The following PDZD2 variants were observed in gnomAD, a reference collection of about 807,000 sequenced individuals.
PDZD2 encodes the protein PDZ domain containing 2, also known as PDZ domain-containing protein 2.
Under a neutral mutation model 220.7 loss-of-function variants are expected in PDZD2, and 90 were observed. The ratio of observed to expected loss-of-function variants is 0.41; its 90% CI spans 0.34 to 0.49. The LOEUF is 0.49. Among genes scored for constraint, PDZD2 ranks in the 20% least tolerant of loss-of-function variants. The probability of loss-of-function intolerance (pLI) is 0.28; values close to 1 mark genes in which losing one functional copy is unlikely to be tolerated. For missense variants in PDZD2, 3,174 were observed against 3,608.5 expected, an observed-to-expected ratio of 0.88 and a Z score of 3.08; for synonymous variants, 1,375 against 1,450.5, an observed-to-expected ratio of 0.95 and a Z score of 1.18.
At chr5:31,680,153 G>A (rs1439790463) in intron 1 of PDZD2, among the ~76,000 whole-genome samples, 4 of 152,142 alleles carry the variant, frequency 2.6e-5, no homozygotes, top group Admixed American at 2.6e-4. Flanking sequence ...ATTCATGGAT[G>A]GAGTAGGTGT....
chr5:31,910,114 G>T (rs1451497084), intron 2 of PDZD2, among the ~76,000 whole-genome samples: 1 of 151,862 alleles, frequency 6.6e-6, no homozygotes, highest in African/African-American at 2.4e-5. Flanking sequence ...AGGGAACTAA[G>T]GTTCAGAAAG....
At position 31,914,008 on chromosome 5, in the gene PDZD2, G is replaced by A. The variant is rs140622487; in HGVS notation, c.477-69147G>A. Among the ~76,000 whole-genome samples the A allele has an allele frequency of 4.3e-3, 651 of 152,262 alleles. 2 individuals carry two copies. The highest frequency in any genetic ancestry group is 0.015 in the African/African-American group (623 of 41,562). On this transcript the variant is annotated intron_variant, in intron 2 of 24. Coordinates refer to ENST00000438447, the MANE Select transcript of PDZD2 (RefSeq NM_178140.4). ...CAGATGTCACTCCCTGCCTCTGGGT[G>A]ACAGGAATGTCAGTGTCTGTAACTC...
chr5:32,025,591 CTTTTTTTTTTT>C (rs70957998), intron 6 of PDZD2, among the ~76,000 whole-genome samples: 891 of 67,530 alleles, frequency 0.013, 29 homozygotes, highest in African/African-American at 0.046. Context: ...AACCATGATG[CTTTTTTTTTTT>C]TTTTTTTTTT....
chr5:32,011,170 T>C (rs1753287577), intron 6 of PDZD2, among the ~76,000 whole-genome samples: 1 of 151,878 alleles, frequency 6.6e-6, no homozygotes, highest in African/African-American at 2.4e-5. Flanking sequence ...ATGGAGAGAT[T>C]TCTGGTTCAA....
chr5:31,809,238 C>A (rs1037887887), intron 2 of PDZD2, among the ~76,000 whole-genome samples: 26 of 152,010 alleles, frequency 1.7e-4, no homozygotes, highest in Non-Finnish European at 3.1e-4. Context: ...GATCTGAGGG[C>A]CGTCGCCTGC....
chr5:31,712,475 T>C (rs66615553), intron 1 of PDZD2, among the ~76,000 whole-genome samples: 2 of 125,154 alleles, frequency 1.6e-5, no homozygotes, highest in Non-Finnish European at 3.4e-5. Context: ...TCTCTCTCTC[T>C]CTCTCTCCCC....
At chr5:31,958,295 C>A (rs10062480) in intron 2 of PDZD2, among the ~76,000 whole-genome samples, 4 of 151,680 alleles carry the variant, frequency 2.6e-5, no homozygotes, top group Non-Finnish European at 5.9e-5. Flanking sequence ...ACTCTTTTGC[C>A]CAGGCTGGAG....
At chr5:31,921,676 T>A (rs1337962331) in intron 2 of PDZD2, among the ~76,000 whole-genome samples, 5 of 151,974 alleles carry the variant, frequency 3.3e-5, no homozygotes, top group African/African-American at 1.2e-4. Flanking sequence ...GGTGACAGAG[T>A]GAGACCCCAT....
chr5:31,821,391 T>TATTA (rs200302561), intron 2 of PDZD2, among the ~76,000 whole-genome samples: 50 of 147,964 alleles, frequency 3.4e-4, no homozygotes, highest in Non-Finnish European at 5.2e-4. Flanking sequence ...ATTATTATTT[T>TATTA]TTTTTTTTGA....
chr5:32,085,320 A>G (rs1282656900), intron 19 of PDZD2, among the ~76,000 whole-genome samples: 2 of 149,680 alleles, frequency 1.3e-5, no homozygotes, highest in East Asian at 3.9e-4. Flanking sequence ...ACTTCAGTAC[A>G]TATATACATT....
intron 2 of PDZD2, among the ~76,000 whole-genome samples, chr5:31,832,865 A>G (rs1214181468): frequency 2.0e-5 from 3 of 152,164 alleles, no homozygotes; most frequent in Non-Finnish European, 2.9e-5. Flanking sequence ...TTACCACAGT[A>G]AAAAGATGTG....
intron 1 of PDZD2, among the ~76,000 whole-genome samples, chr5:31,762,813 A>G (rs1751735470): frequency 6.6e-6 from 1 of 152,174 alleles, no homozygotes; most frequent in African/African-American, 2.4e-5. Context: ...GTAAATTGGG[A>G]GTTGGATTTG....
intron 10 of PDZD2, 70 bp downstream of exon 10, chr5:32,053,953 A>G: frequency 1.2e-6 from 1 of 864,980 alleles, no homozygotes. Flanking sequence ...TCTTCACAAG[A>G]TGTGAGTGAA....
At position 32,074,360 on chromosome 5, in the gene PDZD2, C is replaced by T; in HGVS notation, c.3254C>T (p.Pro1085Leu). ...KKELSGSSSAPKLEYTVRTDT... is the reference protein window; with the variant it reads ...KKELSGSSSALKLEYTVRTDT... ...GAACTGTCAGGATCAAGTAGCGCAC[C>T]CAAATTGGAATACACAGTCCGTACA... Residue 1085 changes from proline to leucine, a missense_variant, in exon 18 of 25, where the codon CCC (proline) becomes CTC (leucine). Coordinates refer to ENST00000438447, the MANE Select transcript of PDZD2 (RefSeq NM_178140.4). 1 of 1,614,152 alleles carries T rather than the reference C, an allele frequency of 6.2e-7. No individual in the cohort carries two copies. The highest frequency in any genetic ancestry group is 8.5e-7 in the Non-Finnish European group (1 of 1,180,030).
rs1362490418 is a variant in PDZD2 at position 32,088,321 on chromosome 5, C to T, written c.4873C>T (p.Pro1625Ser). The T allele has an allele frequency of 6.2e-7, 1 of 1,614,112 alleles. No homozygotes were observed. Among genetic ancestry groups the T allele is most frequent in the South Asian group, 1.1e-5 (1 of 91,082 alleles). ...TCTTCCCACCCAGGCTGCCATCTGT[C>T]CTGCCTCAGCCAAAGTTCTGTCATT... is the stretch of plus-strand genomic sequence containing the variant. ...AHLPTQAAIC[P>S]ASAKVLSLKY... The change falls in exon 20 of 25, where the codon CCT becomes TCT. Residue 1625 changes from proline (P) to serine (S), a missense_variant. Pro to Ser is a moderately conservative substitution (Grantham distance 74, BLOSUM62 -1). This residue lies in a region of PDZD2 where 1,861 missense variants were observed against 2,001.0 expected (regional missense o/e 0.93). Coordinates refer to ENST00000438447, the MANE Select transcript of PDZD2 (RefSeq NM_178140.4). The surrounding 1 kb of genome is among the most constrained non-coding windows in gnomAD (Gnocchi z 4.6).
At chr5:31,819,055 C>G (rs1455723026) in intron 2 of PDZD2, among the ~76,000 whole-genome samples, 1 of 152,210 alleles carries the variant, frequency 6.6e-6, no homozygotes, top group African/African-American at 2.4e-5. Flanking sequence ...TCTTTTGTCA[C>G]TACAACCAGC....
intron 1 of PDZD2, among the ~76,000 whole-genome samples, chr5:31,656,189 G>A (rs1012117216): frequency 2.0e-5 from 3 of 152,084 alleles, no homozygotes; most frequent in Admixed American, 2.0e-4. Flanking sequence ...TGGGCTATGC[G>A]CATGTATTCC....
chr5:32,050,136 G>A (rs1336605925), intron 8 of PDZD2, among the ~76,000 whole-genome samples: 2 of 152,034 alleles, frequency 1.3e-5, no homozygotes, highest in Non-Finnish European at 2.9e-5. Flanking sequence ...TCATCATGTT[G>A]GCCAGGCTGG....
At chr5:31,896,182 T>C (rs1434172509) in intron 2 of PDZD2, among the ~76,000 whole-genome samples, 1 of 152,008 alleles carries the variant, frequency 6.6e-6, no homozygotes, top group Non-Finnish European at 1.5e-5. Context: ...AAAAAATAAA[T>C]ACACTACTCT....
Sources: gnomAD v4.1 joint callset for allele counts (sites outside exome capture counted in the v4.1 genomes callset) on GRCh38, gnomAD v4.1.1 for gene constraint, gnomAD v4.1.1 regional missense constraint, Gnocchi (gnomAD v3.1) non-coding constraint, MANE v1.5 for transcripts, NCBI Gene and HGNC (gene_info 2026-07-23, HGNC 2026-07-21) for gene names.